The following TGIF1 variants were observed in gnomAD, a reference collection of about 807,000 sequenced individuals.
TGIF1 encodes the protein homeobox protein TGIF1.
TGIF1 carries 4 observed loss-of-function variants against 19.3 expected under a neutral mutation model. The observed-to-expected ratio is 0.21, with a 90% CI of 0.10 to 0.47. The LOEUF (loss-of-function observed/expected upper bound fraction) is 0.47. Among genes scored for constraint, TGIF1 ranks in the 20% least tolerant of loss-of-function variants. TGIF1 has a pLI of 0.98. For synonymous variants in TGIF1, 122 were observed against 129.3 expected, an observed-to-expected ratio of 0.94 and a Z score of 0.38; for missense variants, 275 against 341.4, an observed-to-expected ratio of 0.81 and a Z score of 1.53.
Position 3,451,602 on chromosome 18 carries a change from C to T in TGIF1, c.16+1097C>T, listed in dbSNP as rs1358725827. On this transcript the variant is annotated intron_variant, in intron 1 of 2. Coordinates refer to ENST00000343820, the MANE Select transcript of TGIF1 (RefSeq NM_003244.4). The surrounding 1 kb of genome is among the most constrained non-coding windows in gnomAD (Gnocchi z 5.4). ...TGGAGTTTGGAACTCCACATTCTTT[C>T]AGACCCGGCCCGCTGCGGGGCGTTC... 2.8e-6 allele frequency: 3 copies of T among 1,055,458 alleles called. No individual in the cohort carries two copies. The highest frequency in any genetic ancestry group is 3.4e-6 in the Non-Finnish European group (3 of 876,264). 65.4% of individuals were successfully genotyped at this position (1,055,458 alleles called of 1,614,324 possible).
chr18:3,419,384 A>G (rs772493176), intron 2 of TGIF1, among the ~76,000 whole-genome samples: 8 of 152,200 alleles, frequency 5.3e-5, no homozygotes, highest in Non-Finnish European at 1.0e-4. Flanking sequence ...GACCTTATTG[A>G]GAATAATTAT....
At chr18:3,450,750 G>A (rs2082888005) in intron 1 of TGIF1, among the ~76,000 whole-genome samples, 1 of 152,226 alleles carries the variant, frequency 6.6e-6, no homozygotes, top group Non-Finnish European at 1.5e-5. Context: ...CAAGAAACAC[G>A]CTCAGCGCCT....
chr18:3,421,649 T>A (rs1040244777), intron 2 of TGIF1, among the ~76,000 whole-genome samples: 1 of 151,822 alleles, frequency 6.6e-6, no homozygotes, highest in African/African-American at 2.4e-5. Flanking sequence ...CGACCTCAGG[T>A]GATCCACCCA....
intron 2 of TGIF1, among the ~76,000 whole-genome samples, chr18:3,432,492 TTTGATAA>T (rs1393968414): frequency 6.6e-6 from 1 of 152,214 alleles, no homozygotes; most frequent in Non-Finnish European, 1.5e-5. Flanking sequence ...ATTTCCTAAT[TTTGATAA>T]TTGTAATACA....
chr18:3,432,920 C>T (rs9960924), intron 2 of TGIF1, among the ~76,000 whole-genome samples: 78,477 of 151,658 alleles, frequency 0.52, 21,680 homozygotes, highest in East Asian at 0.91. Flanking sequence ...CCACCAAGCC[C>T]GGCTAATTTT....
At chr18:3,419,214 T>A (rs182428850) in intron 2 of TGIF1, among the ~76,000 whole-genome samples, 8 of 152,292 alleles carry the variant, frequency 5.3e-5, no homozygotes, top group Admixed American at 2.6e-4. Context: ...AACTCAATAA[T>A]GTTGAGAGAA....
At chr18:3,437,260 C>G (rs578065409) in intron 2 of TGIF1, among the ~76,000 whole-genome samples, 4 of 152,092 alleles carry the variant, frequency 2.6e-5, no homozygotes, top group Non-Finnish European at 5.9e-5. Flanking sequence ...TGGAGGTGTG[C>G]GAGCATGGGG....
In TGIF1 at chr18:3,450,267, C is replaced by A; in HGVS notation, c.-223C>A. 6.3e-6 allele frequency: 9 copies of A among 1,432,944 alleles called. No homozygotes were observed. The highest frequency in any genetic ancestry group is 2.9e-5 in the Admixed American group (1 of 34,946). The allele number at this position is 1,432,944 out of a possible 1,614,324, so 88.8% of individuals were successfully genotyped here. A position where few individuals can be genotyped will look rare whatever the true frequency, so the allele number is the denominator to read the frequency against. On this transcript the variant is annotated 5_prime_UTR_variant, in exon 1 of 3. In the 5' UTR this introduces an upstream ATG that the reference lacks. Coordinates refer to ENST00000343820, the MANE Select transcript of TGIF1 (RefSeq NM_003244.4). ...TGGGCGAGGGAGAGCCCCCGGCCGGCTGCCAGAAGATCCCGGCGGGAGGAA... is the reference window on the plus strand; with the variant it reads ...TGGGCGAGGGAGAGCCCCCGGCCGGATGCCAGAAGATCCCGGCGGGAGGAA...
upstream of TGIF1, among the ~76,000 whole-genome samples, chr18:3,446,175 T>C (rs2082743470): frequency 1.3e-5 from 2 of 152,130 alleles, no homozygotes; most frequent in African/African-American, 2.4e-5. Context: ...CAAGGAATTA[T>C]CTTTCCGTTT....
chr18:3,412,842 C>G (rs918938741), intron 1 of TGIF1: 2 of 152,212 alleles, frequency 1.3e-5, no homozygotes, highest in Non-Finnish European at 2.9e-5. Context: ...GAGACCCTGT[C>G]TCTACAAAAA....
At chr18:3,442,216 A>C (rs2082684411) in intron 2 of TGIF1, among the ~76,000 whole-genome samples, 1 of 152,176 alleles carries the variant, frequency 6.6e-6, no homozygotes, top group Non-Finnish European at 1.5e-5. Context: ...AATTTCTGTC[A>C]ATTTTATTCC....
At position 3,451,620 on chromosome 18, in the gene TGIF1, G is replaced by A. The variant is rs2082937276; in HGVS notation, c.16+1115G>A. 22 of 1,089,860 alleles carry A rather than the reference G, an allele frequency of 2.0e-5. No homozygotes were observed. Among genetic ancestry groups the A allele is most frequent in the Non-Finnish European group, 2.4e-5 (22 of 898,218 alleles). The allele number at this position is 1,089,860 out of a possible 1,614,324, so 67.5% of individuals were successfully genotyped here. A position where few individuals can be genotyped will look rare whatever the true frequency, so the allele number is the denominator to read the frequency against. On this transcript the variant is annotated intron_variant, in intron 1 of 2. Coordinates refer to ENST00000343820, the MANE Select transcript of TGIF1 (RefSeq NM_003244.4). This position sits in a 1 kb window ranked among gnomAD's most constrained non-coding sequence, Gnocchi z 5.4. Reference sequence around the variant, plus strand: ...ATTCTTTCAGACCCGGCCCGCTGCGGGGCGTTCCTGGGGGGTAGCCTCAAG... The same window carrying A: ...ATTCTTTCAGACCCGGCCCGCTGCGAGGCGTTCCTGGGGGGTAGCCTCAAG...
chr18:3,420,804 C>T (rs937613069), intron 2 of TGIF1, among the ~76,000 whole-genome samples: 6 of 152,168 alleles, frequency 3.9e-5, no homozygotes, highest in African/African-American at 1.2e-4. Flanking sequence ...TAAGAAATAT[C>T]AATATTTATG....
At chr18:3,414,120 G>A (rs2082302803) in intron 1 of TGIF1, among the ~76,000 whole-genome samples, 2 of 152,156 alleles carry the variant, frequency 1.3e-5, no homozygotes, top group African/African-American at 4.8e-5. Flanking sequence ...CAAAATGACA[G>A]TTTTGTCTCC....
chr18:3,424,864 TCC>T (rs1403799275), intron 2 of TGIF1, among the ~76,000 whole-genome samples: 2 of 152,178 alleles, frequency 1.3e-5, no homozygotes, highest in Non-Finnish European at 2.9e-5. Flanking sequence ...CTGCACCCCT[TCC>T]CCATACCTTG....
intron 1 of TGIF1, chr18:3,452,422 C>A (rs768487310): frequency 1.9e-6 from 3 of 1,612,726 alleles, no homozygotes; most frequent in Non-Finnish European, 2.5e-6. Flanking sequence ...TGGTTCAGGG[C>A]TCTTTGGGGG....
chr18:3,429,083 G>A (rs370148413), intron 2 of TGIF1, among the ~76,000 whole-genome samples: 3 of 152,092 alleles, frequency 2.0e-5, no homozygotes, highest in South Asian at 2.1e-4. Flanking sequence ...ATAGAGACGG[G>A]CCTTGCTCTG....
chr18:3,457,132 T>G lies in TGIF1; in HGVS notation c.244-233T>G. 1 of 604,184 alleles carries G rather than the reference T, an allele frequency of 1.7e-6. No individual in the cohort carries two copies. The highest frequency in any genetic ancestry group is 2.9e-6 in the Non-Finnish European group (1 of 343,520). 37.4% of individuals were successfully genotyped at this position (604,184 alleles called of 1,614,324 possible). A position where few individuals can be genotyped will look rare whatever the true frequency, so the allele number is the denominator to read the frequency against. The stretch of plus-strand genomic sequence containing the variant: ...TCTTCGTCCTGAAAAGGTTTAAGTA[T>G]GAAGAGACAAAAAAGGAAATTTGTA... On this transcript the variant is annotated intron_variant, in intron 2 of 2. Transcript: ENST00000343820. The surrounding 1 kb of genome is among the most constrained non-coding windows in gnomAD (Gnocchi z 4.9).
intron 2 of TGIF1, among the ~76,000 whole-genome samples, chr18:3,433,016 C>T (rs529273086): frequency 5.5e-4 from 84 of 152,210 alleles, no homozygotes; most frequent in Middle Eastern, 3.4e-3. Context: ...GGCTTGGCCT[C>T]CCAAAGAGCT....
Sources: allele counts gnomAD v4.1 joint callset (sites outside exome capture counted in the v4.1 genomes callset), GRCh38; gene constraint gnomAD v4.1.1; non-coding constraint Gnocchi (gnomAD v3.1); transcripts MANE v1.5; gene names NCBI Gene and HGNC (gene_info 2026-07-23, HGNC 2026-07-21).